ATP2A2: variants seen among roughly 807,000 people sequenced by gnomAD.
ATP2A2 encodes the protein sarcoplasmic/endoplasmic reticulum calcium ATPase 2.
Under a neutral mutation model 109.3 loss-of-function variants are expected in ATP2A2, and 14 were observed. The observed-to-expected ratio is 0.13, with a 90% confidence interval of 0.08 to 0.20. The LOEUF (loss-of-function observed/expected upper bound fraction) is 0.20, where lower values mean the gene tolerates loss of function less well. ATP2A2 is among the 10% of genes least tolerant of loss of function. The pLI, the probability that ATP2A2 is intolerant of heterozygous loss-of-function variation, is 1.00. For missense variants in ATP2A2, 657 were observed against 1,321.6 expected, an observed-to-expected ratio of 0.50 and a Z score of 7.80; for synonymous variants, 506 against 490.9, an observed-to-expected ratio of 1.03 and a Z score of -0.41.
At position 110,332,626 on chromosome 12, in the gene ATP2A2, T is replaced by C. The variant is rs1307967855; in HGVS notation, c.1125T>C (p.Asp375=). 1 of 1,613,656 alleles carries C rather than the reference T, an allele frequency of 6.2e-7. No individual in the cohort carries two copies. The highest frequency in any genetic ancestry group is 1.1e-5 in the South Asian group (1 of 91,082). Residue 375 remains aspartate, a synonymous_variant, in exon 9 of 20, where the codon GAT becomes GAC. Transcript: ENST00000539276. ...TCATTCTGGACAGAGTGGAAGGTGA[T>C]ACTTGTTCCCTTAATGAGTTTACCA... The part of the protein sequence containing the change: ...RMFILDRVEG[D]TCSLNEFTIT...
chr12:110,287,158 C>T (rs1015761278), intron 3 of ATP2A2, among the ~76,000 whole-genome samples: 10 of 152,096 alleles, frequency 6.6e-5, no homozygotes, highest in Admixed American at 6.6e-4. Flanking sequence ...GAGGCTGAGG[C>T]AGGAGAATCG....
chr12:110,333,559 A>G lies in ATP2A2; in HGVS notation c.1287+276A>G, dbSNP rs78989091. On this transcript the variant is annotated intron_variant, in intron 10 of 19. Transcript: ENST00000539276. ...TCTGTTGATAGCATACTTACTATAAATGAATAAAACCCAGGATAGAAAATG... is the reference window on the plus strand; with the variant it reads ...TCTGTTGATAGCATACTTACTATAAGTGAATAAAACCCAGGATAGAAAATG... 0.021 allele frequency among the ~76,000 whole-genome samples: 3,243 copies of G among 152,318 alleles called. 138 individuals carry two copies. The highest frequency in any genetic ancestry group is 0.074 in the African/African-American group (3,081 of 41,554).
Position 110,350,560 on chromosome 12 carries a change from T to A in ATP2A2, c.*4090T>A. 1 of 594,380 alleles carries A rather than the reference T, an allele frequency of 1.7e-6. No homozygotes were observed. The highest frequency in any genetic ancestry group is 2.9e-6 in the Non-Finnish European group (1 of 346,830). 36.8% of individuals were successfully genotyped at this position (594,380 alleles called of 1,614,324 possible). ...GCCTCTCCAGAGAAGTTTGGTTTCTTTGCTGCAAGAGGAATGAGGCTCTGT... is the reference window on the plus strand; with the variant it reads ...GCCTCTCCAGAGAAGTTTGGTTTCTATGCTGCAAGAGGAATGAGGCTCTGT... On this transcript the variant is annotated 3_prime_UTR_variant, in exon 20 of 20. Transcript: ENST00000539276.
Position 110,347,597 on chromosome 12 carries a change from T to C in ATP2A2, c.*1127T>C, listed in dbSNP as rs1880001152. On this transcript the variant is annotated 3_prime_UTR_variant, in exon 20 of 20. Transcript: ENST00000539276. ...GTGTGTATGTGTGTGTTTTGTAAAA[T>C]CTGTAAATAGCACATGACCAAATGA... 1.4e-5 allele frequency: 17 copies of C among 1,235,218 alleles called. No individual in the cohort carries two copies. The highest frequency in any genetic ancestry group is 1.8e-5 in the Non-Finnish European group (17 of 959,954). The allele number at this position is 1,235,218 out of a possible 1,614,324, so 76.5% of individuals were successfully genotyped here.
At chr12:110,345,150 C>T (rs1443886332) in intron 17 of ATP2A2, 99 bp from the exon 18 acceptor site, 1 of 1,586,086 alleles carries the variant, frequency 6.3e-7, no homozygotes, top group Non-Finnish European at 8.7e-7. Flanking sequence ...TTGGCTGGCT[C>T]TGCATTCAGG....
chr12:110,328,161 T>C, intron 8 of ATP2A2, 144 bp downstream of exon 8: 1 of 839,120 alleles, frequency 1.2e-6, no homozygotes, highest in Non-Finnish European at 1.9e-6. Context: ...TTCTAATATT[T>C]GAGAGGATCT....
rs141094221 is a variant in ATP2A2 at position 110,318,754 on chromosome 12, A to G, written c.464-4238A>G. ...TTCCCAAAGTTCTGGGATTACAGGC[A>G]TAAGCCACCGTGCCCAGTCTATGGC... On this transcript the variant is annotated intron_variant, in intron 5 of 19. Coordinates refer to ENST00000539276, the MANE Select transcript of ATP2A2 (RefSeq NM_170665.4). Among the ~76,000 whole-genome samples the G allele has an allele frequency of 8.1e-3, 1,232 of 152,340 alleles. 1 individual carries two copies. Among genetic ancestry groups the G allele is most frequent in the Non-Finnish European group, 9.5e-3 (643 of 68,036 alleles).
chr12:110,323,187 A>G (rs1463842879), intron 6 of ATP2A2, 115 bp downstream of exon 6: 1 of 849,704 alleles, frequency 1.2e-6, no homozygotes, highest in African/African-American at 1.7e-5. Flanking sequence ...ATCCTCTCTA[A>G]GATACTTATT....
intron 5 of ATP2A2, among the ~76,000 whole-genome samples, chr12:110,298,206 T>C (rs1874174067): frequency 6.6e-6 from 1 of 152,204 alleles, no homozygotes; most frequent in Non-Finnish European, 1.5e-5. Flanking sequence ...CTTTGGCCTC[T>C]GAAAGGAAAT....
intron 5 of ATP2A2, among the ~76,000 whole-genome samples, chr12:110,301,875 C>G (rs763035286): frequency 1.3e-5 from 2 of 152,076 alleles, no homozygotes; most frequent in Non-Finnish European, 2.9e-5. Flanking sequence ...CCAAAGTCAC[C>G]TTTTTTTGGA....
rs750979629 is a variant in ATP2A2 at position 110,350,063 on chromosome 12, C to T, written c.*3593C>T. The T allele has an allele frequency of 7.0e-7, 1 of 1,430,878 alleles. No individual in the cohort carries two copies. Among genetic ancestry groups the T allele is most frequent in the African/African-American group, 1.4e-5 (1 of 69,688 alleles). The allele number at this position is 1,430,878 out of a possible 1,614,324, so 88.6% of individuals were successfully genotyped here. A position where few individuals can be genotyped will look rare whatever the true frequency, so the allele number is the denominator to read the frequency against. ...TCCTCCAGAGCCTTTATTCTGTAGC[C>T]AGACGACACGAGGAGTCTGTGTCAC... On this transcript the variant is annotated 3_prime_UTR_variant, in exon 20 of 20. Transcript: ENST00000539276.
chr12:110,312,477 C>T (rs764808760), intron 5 of ATP2A2, among the ~76,000 whole-genome samples: 3 of 152,100 alleles, frequency 2.0e-5, no homozygotes, highest in Admixed American at 6.5e-5. Flanking sequence ...TATTGAAAAT[C>T]TTGTGTGCAA....
In ATP2A2 at chr12:110,339,882, G is replaced by C. The variant is rs1566238195; in HGVS notation, c.1761+161G>C. On this transcript the variant is annotated intron_variant, in intron 13 of 19. Coordinates refer to ENST00000539276, the MANE Select transcript of ATP2A2 (RefSeq NM_170665.4). The surrounding 1 kb of genome is among the most constrained non-coding windows in gnomAD (Gnocchi z 4.4). ...AGCTGTGTCACCCTTAAAATTTGCT[G>C]CTTCAAACATACATAGTTAATAATT... 6.6e-6 allele frequency among the ~76,000 whole-genome samples: 1 copy of C among 152,140 alleles called. No individual in the cohort carries two copies. Among genetic ancestry groups the C allele is most frequent in the East Asian group, 1.9e-4 (1 of 5,194 alleles).
chr12:110,337,922 A>G (rs1257242841), intron 11 of ATP2A2, among the ~76,000 whole-genome samples: 1 of 152,246 alleles, frequency 6.6e-6, no homozygotes, highest in Non-Finnish European at 1.5e-5. Flanking sequence ...CAAGAAAAGT[A>G]CAAAAACTGG....
rs778028514 is a variant in ATP2A2, at chr12:110,327,633, T to C, written c.711T>C (p.Asp237=). Residue 237 remains aspartate, a synonymous_variant, in exon 8 of 20, where the codon GAT becomes GAC. Transcript: ENST00000539276. The surrounding 1 kb of genome is among the most constrained non-coding windows in gnomAD (Gnocchi z 4.4). The part of the protein sequence containing the change: ...GVNTEIGKIR[D]EMVATEQERT... Reference sequence around the variant, plus strand: ...ACACCGAAATTGGCAAGATCCGGGATGAAATGGTGGCAACAGAACAGGAGA... The same window carrying C: ...ACACCGAAATTGGCAAGATCCGGGACGAAATGGTGGCAACAGAACAGGAGA... The C allele has an allele frequency of 6.2e-7, 1 of 1,614,142 alleles. No homozygotes were observed. Among genetic ancestry groups the C allele is most frequent in the Non-Finnish European group, 8.5e-7 (1 of 1,180,022 alleles).
intron 8 of ATP2A2, chr12:110,329,662 C>T (rs1219106463): frequency 2.0e-5 from 3 of 152,080 alleles, no homozygotes; most frequent in Non-Finnish European, 4.4e-5. Context: ...AAGTGATCCA[C>T]CCGCTTTTGA....
chr12:110,320,592 T>G (rs1206747570), intron 5 of ATP2A2, among the ~76,000 whole-genome samples: 1 of 152,198 alleles, frequency 6.6e-6, no homozygotes, highest in Non-Finnish European at 1.5e-5. Context: ...TATAGTTACT[T>G]TGTTGTCTTA....
chr12:110,288,821 A>T (rs1238657900), intron 3 of ATP2A2, among the ~76,000 whole-genome samples: 1 of 152,192 alleles, frequency 6.6e-6, no homozygotes, highest in Non-Finnish European at 1.5e-5. Context: ...ATGAACTCAC[A>T]TTACTATAGT....
rs1880272115 is a variant in ATP2A2, at chr12:110,350,212, T to C, written c.*3742T>C. Reference sequence around the variant, plus strand: ...GTTCCTTTTCATCTGTCGCTGTTGATCTTCATCTATTTAAATAGGTATTCT... The same window carrying C: ...GTTCCTTTTCATCTGTCGCTGTTGACCTTCATCTATTTAAATAGGTATTCT... On this transcript the variant is annotated 3_prime_UTR_variant, in exon 20 of 20. Coordinates refer to ENST00000539276, the MANE Select transcript of ATP2A2 (RefSeq NM_170665.4). 1.9e-6 allele frequency: 3 copies of C among 1,613,626 alleles called. No homozygotes were observed. The highest frequency in any genetic ancestry group is 2.5e-6 in the Non-Finnish European group (3 of 1,179,910).
Sources: allele counts gnomAD v4.1 joint callset (sites outside exome capture counted in the v4.1 genomes callset), GRCh38; gene constraint gnomAD v4.1.1; non-coding constraint Gnocchi (gnomAD v3.1); transcripts MANE v1.5; gene names NCBI Gene and HGNC (gene_info 2026-07-23, HGNC 2026-07-21).